SMG7: variants seen among roughly 807,000 people sequenced by gnomAD.
SMG7 encodes nonsense-mediated mRNA decay factor SMG7.
Under a neutral mutation model 148.2 loss-of-function variants are expected in SMG7, and 34 were observed. The observed-to-expected ratio is 0.23, with a 90% confidence interval of 0.17 to 0.31. SMG7 has a LOEUF of 0.31. Among genes scored for constraint, SMG7 ranks in the 10% least tolerant of loss-of-function variants. The pLI, the probability that SMG7 is intolerant of heterozygous loss-of-function variation, is 1.00. For synonymous variants in SMG7, 492 were observed against 515.1 expected, an observed-to-expected ratio of 0.96 and a Z score of 0.61; for missense variants, 1,114 against 1,408.4, an observed-to-expected ratio of 0.79 and a Z score of 3.35.
intron 1 of SMG7, among the ~76,000 whole-genome samples, chr1:183,474,598 G>T (rs1294842315): frequency 6.6e-6 from 1 of 152,134 alleles, no homozygotes; most frequent in Non-Finnish European, 1.5e-5. Context: ...AAAAATAAAA[G>T]ATACGAAGTG....
rs932863506 is a variant in SMG7, at chr1:183,526,577, T to C, written c.313-19T>C. 6.4e-7 allele frequency: 1 copy of C among 1,566,158 alleles called. No individual in the cohort carries two copies. Among genetic ancestry groups the C allele is most frequent in the African/African-American group, 1.4e-5 (1 of 73,352 alleles). On this transcript the variant is annotated intron_variant, in intron 4 of 22. Transcript: ENST00000688051. ...AGCACTTGTGACTTACTACTAAATTTTGTTTGTTTTTCTTTTAGTTATTAC... is the reference window on the plus strand; with the variant it reads ...AGCACTTGTGACTTACTACTAAATTCTGTTTGTTTTTCTTTTAGTTATTAC...
At chr1:183,484,609 G>A (rs1654980356) in intron 1 of SMG7, among the ~76,000 whole-genome samples, 1 of 151,984 alleles carries the variant, frequency 6.6e-6, no homozygotes, top group African/African-American at 2.4e-5. Flanking sequence ...TGCTAACAGG[G>A]AATTGTTAGC....
intron 4 of SMG7, among the ~76,000 whole-genome samples, chr1:183,522,590 A>G (rs1469259330): frequency 6.6e-6 from 1 of 152,092 alleles, no homozygotes; most frequent in Non-Finnish European, 1.5e-5. Flanking sequence ...ACAAGTGACC[A>G]TATAACTTGT....
At chr1:183,508,090 T>C (rs1661323467) in intron 1 of SMG7, 5 of 867,128 alleles carry the variant, frequency 5.8e-6, no homozygotes, top group Non-Finnish European at 5.5e-6. Flanking sequence ...GAGAAAACAT[T>C]TTAAAGTTCT....
intron 4 of SMG7, among the ~76,000 whole-genome samples, chr1:183,519,561 T>C (rs1043172613): frequency 6.6e-5 from 10 of 152,020 alleles, no homozygotes; most frequent in African/African-American, 2.2e-4. Context: ...AAAAGATGGA[T>C]ACATTAGTAA....
At chr1:183,487,814 A>G (rs2102162005) in intron 1 of SMG7, among the ~76,000 whole-genome samples, 1 of 152,352 alleles carries the variant, frequency 6.6e-6, no homozygotes, top group Middle Eastern at 3.4e-3. Context: ...TGGTAAATAT[A>G]TAATGGGAAG....
intron 1 of SMG7, among the ~76,000 whole-genome samples, chr1:183,486,569 C>T (rs1655477150): frequency 6.6e-6 from 1 of 152,172 alleles, no homozygotes; most frequent in Admixed American, 6.5e-5. Context: ...CGCCACCACG[C>T]CTGGCCGATT....
rs1171057432 is a variant in SMG7 at position 183,553,070 on chromosome 1, C to G, written c.*1139C>G. On this transcript the variant is annotated 3_prime_UTR_variant, in exon 23 of 23. Coordinates refer to ENST00000688051, the MANE Select transcript of SMG7 (RefSeq NM_001375584.1). ...CTGCGTAGCCCACAGAGGGCCCAGG[C>G]CCCTGCCCAGCTGCAGTCTCCCAGC... The G allele has an allele frequency of 6.5e-7, 1 of 1,536,236 alleles. No individual in the cohort carries two copies. The highest frequency in any genetic ancestry group is 8.7e-7 in the Non-Finnish European group (1 of 1,146,916).
At chr1:183,549,091 A>G (rs1345063533) in intron 18 of SMG7, 117 bp from the exon 19 acceptor site, 1 of 713,076 alleles carries the variant, frequency 1.4e-6, no homozygotes. Context: ...TGAGCCTCAA[A>G]TTGTACTCAG....
intron 1 of SMG7, among the ~76,000 whole-genome samples, 183 bp from the exon 2 acceptor site, chr1:183,512,654 C>G (rs767472325): frequency 5.9e-5 from 9 of 152,082 alleles, no homozygotes; most frequent in Admixed American, 2.0e-4. Context: ...CATTAATTTG[C>G]CAAGACCTTG....
intron 14 of SMG7, 128 bp from the exon 15 acceptor site, chr1:183,544,225 T>G: frequency 1.5e-6 from 1 of 651,742 alleles, no homozygotes; most frequent in Non-Finnish European, 2.6e-6. Context: ...CTTAGGTGAA[T>G]TTAAATATCT....
intron 4 of SMG7, chr1:183,518,500 G>T (rs1031368565): frequency 2.6e-5 from 4 of 152,140 alleles, no homozygotes; most frequent in African/African-American, 4.8e-5. Flanking sequence ...GTCAAAATTT[G>T]TAATATCAAG....
chr1:183,523,495 T>C (rs1665194747), intron 4 of SMG7, among the ~76,000 whole-genome samples: 1 of 152,222 alleles, frequency 6.6e-6, no homozygotes, highest in Non-Finnish European at 1.5e-5. Flanking sequence ...TCCCAGTCAA[T>C]ACTTCTGTAT....
intron 1 of SMG7, chr1:183,472,896 A>G: frequency 2.5e-6 from 1 of 396,070 alleles, no homozygotes; most frequent in Non-Finnish European, 4.4e-6. Flanking sequence ...GAGGTTGGGG[A>G]AGCGTGAGAA....
rs755279910 is a variant in SMG7 at position 183,542,464 on chromosome 1, A to G, written c.1804A>G (p.Lys602Glu). Residue 602 changes from lysine to glutamate, a missense_variant, in exon 14 of 23, where the codon AAG becomes GAG. This residue lies in a region of SMG7 where 788 missense variants were observed against 894.5 expected (regional missense o/e 0.88). Coordinates refer to ENST00000688051, the MANE Select transcript of SMG7 (RefSeq NM_001375584.1). ...TGAAACCAAGAAATGCACCTTAGAA[A>G]AGTTACAGGAAACAGGAAAGCAGAA... The part of the protein sequence containing the change: ...KTETKKCTLE[K>E]LQETGKQNVA... The G allele has an allele frequency of 1.2e-6, 2 of 1,613,800 alleles. No individual in the cohort carries two copies. The highest frequency in any genetic ancestry group is 3.3e-5 in the Admixed American group (2 of 59,950).
rs184589365 is a variant in SMG7 at position 183,478,593 on chromosome 1, G to A, written c.29+5944G>A. Among the ~76,000 whole-genome samples, 133 of 152,232 alleles carry A rather than the reference G, an allele frequency of 8.7e-4. 2 individuals carry two copies. The East Asian group carries it at 0.018, about 21-fold the overall frequency. ...AGAAGAAGCAATTGCTGAGTTTTAT[G>A]TTGTTGTTTTTAATGGATGTGTTAC... On this transcript the variant is annotated intron_variant, in intron 1 of 22. Transcript: ENST00000688051.
intron 1 of SMG7, among the ~76,000 whole-genome samples, chr1:183,488,685 T>C (rs1656135697): frequency 2.2e-5 from 3 of 135,856 alleles, no homozygotes; most frequent in African/African-American, 8.5e-5. Flanking sequence ...TATAAGGCTT[T>C]TTTTTTTTTT....
chr1:183,540,250 T>C lies in SMG7; in HGVS notation c.1296-734T>C, dbSNP rs375326298. 3.9e-5 allele frequency among the ~76,000 whole-genome samples: 6 copies of C among 152,276 alleles called. No individual in the cohort carries two copies. In the East Asian group the frequency reaches 1.2e-3, roughly 29 times the overall value. ...ATCACTCTATGAAACCTTTCAGAGC[T>C]TCTCAGAAGGAACTCATCCTCCTTT... On this transcript the variant is annotated intron_variant, in intron 12 of 22. Coordinates refer to ENST00000688051, the MANE Select transcript of SMG7 (RefSeq NM_001375584.1).
chr1:183,547,883 A>G (rs1009378537), intron 18 of SMG7, among the ~76,000 whole-genome samples: 3 of 152,222 alleles, frequency 2.0e-5, no homozygotes, highest in African/African-American at 7.2e-5. Flanking sequence ...CTCAGCCTGC[A>G]TTTCAAAGAA....
Sources: gnomAD v4.1 joint callset for allele counts (sites outside exome capture counted in the v4.1 genomes callset) on GRCh38, gnomAD v4.1.1 for gene constraint, gnomAD v4.1.1 regional missense constraint, MANE v1.5 for transcripts, NCBI Gene and HGNC (gene_info 2026-07-23, HGNC 2026-07-21) for gene names.